Variants in PALLD observed in about 807,000 individuals in gnomAD.
The protein encoded by PALLD is palladin, cytoskeletal associated protein, also known as palladin.
PALLD carries 61 observed loss-of-function variants against 123.5 expected under a neutral mutation model. The ratio of observed to expected loss-of-function variants is 0.49; its 90% confidence interval spans 0.40 to 0.61. The LOEUF (loss-of-function observed/expected upper bound fraction) is 0.61, where lower values mean the gene tolerates loss of function less well. PALLD is among the 20% of genes least tolerant of loss of function. The pLI, the probability that PALLD is intolerant of heterozygous loss-of-function variation, is 0.00. For synonymous variants in PALLD, 465 were observed against 496.4 expected, an observed-to-expected ratio of 0.94 and a Z score of 0.84; for missense variants, 1,273 against 1,377.0, an observed-to-expected ratio of 0.92 and a Z score of 1.20.
chr4:168,856,748 C>T (rs1748664981), intron 10 of PALLD, among the ~76,000 whole-genome samples: 1 of 152,160 alleles, frequency 6.6e-6, no homozygotes, highest in Non-Finnish European at 1.5e-5. Flanking sequence ...AAAATTTAAA[C>T]ACAGGCAGTC....
intron 18 of PALLD, among the ~76,000 whole-genome samples, chr4:168,923,806 T>C (rs537078092): frequency 1.3e-5 from 2 of 152,304 alleles, no homozygotes; most frequent in African/African-American, 4.8e-5. Context: ...TTCAGAATAT[T>C]CATGGCAAAC....
chr4:168,868,310 C>T (rs920370345), intron 10 of PALLD, among the ~76,000 whole-genome samples: 13 of 152,150 alleles, frequency 8.5e-5, no homozygotes, highest in Admixed American at 4.6e-4. Context: ...AGGGTAGAAG[C>T]GTATCTGTAA....
At chr4:168,875,339 A>T (rs1466185429) in intron 10 of PALLD, among the ~76,000 whole-genome samples, 1 of 152,152 alleles carries the variant, frequency 6.6e-6, no homozygotes, top group South Asian at 2.1e-4. Flanking sequence ...GTGAAAATCA[A>T]CTTTTCTAAA....
At chr4:168,791,715 T>C (rs977195297) in intron 10 of PALLD, among the ~76,000 whole-genome samples, 12 of 152,182 alleles carry the variant, frequency 7.9e-5, no homozygotes, top group African/African-American at 2.9e-4. Flanking sequence ...TTAAGCTTGG[T>C]GTTGATTATC....
chr4:168,571,489 A>G (rs10007292), intron 2 of PALLD, among the ~76,000 whole-genome samples: 2,481 of 152,296 alleles, frequency 0.016, 72 homozygotes, highest in African/African-American at 0.057. Flanking sequence ...CTTATCAACC[A>G]TTCAATTAGA....
chr4:168,798,928 A>C (rs10222902), intron 10 of PALLD, among the ~76,000 whole-genome samples: 5,494 of 152,290 alleles, frequency 0.036, 333 homozygotes, highest in African/African-American at 0.13. Flanking sequence ...AGCCAAATTT[A>C]ATTTAATTTA....
intron 2 of PALLD, among the ~76,000 whole-genome samples, chr4:168,556,156 C>T (rs921309932): frequency 6.6e-6 from 1 of 151,614 alleles, no homozygotes; most frequent in Non-Finnish European, 1.5e-5. Context: ...AGTGCAGTGG[C>T]GCAATCTCGG....
intron 10 of PALLD, among the ~76,000 whole-genome samples, chr4:168,774,253 T>G (rs567739877): frequency 6.6e-6 from 1 of 152,260 alleles, no homozygotes; most frequent in African/African-American, 2.4e-5. Flanking sequence ...CCTGCCACCT[T>G]CAAAGTCAGC....
chr4:168,692,412 G>A (rs1305959351), intron 8 of PALLD, among the ~76,000 whole-genome samples: 1 of 152,298 alleles, frequency 6.6e-6, no homozygotes, highest in South Asian at 2.1e-4. Flanking sequence ...ATCAAATACT[G>A]TAGTCACTTT....
intron 10 of PALLD, among the ~76,000 whole-genome samples, chr4:168,816,952 A>G (rs1742059646): frequency 6.6e-6 from 1 of 151,788 alleles, no homozygotes. Context: ...CAAGACAAAG[A>G]GCAGTTCCAG....
rs371423449 is a variant in PALLD at position 168,669,296 on chromosome 4, T to G, written c.1087+928T>G. Among the ~76,000 whole-genome samples, 3 of 152,198 alleles carry G rather than the reference T, an allele frequency of 2.0e-5. No individual in the cohort carries two copies. The East Asian group carries it at 5.8e-4, about 29-fold the overall frequency. On this transcript the variant is annotated intron_variant, in intron 3 of 21. Transcript: ENST00000505667. Reference sequence around the variant, plus strand: ...GCTTTAAAAGTAGGGCCAGGTGAGGTAGCTCATGCCTGTAATCCCAGCACT... The same window carrying G: ...GCTTTAAAAGTAGGGCCAGGTGAGGGAGCTCATGCCTGTAATCCCAGCACT...
intron 10 of PALLD, among the ~76,000 whole-genome samples, chr4:168,715,031 C>T (rs1239023208): frequency 1.3e-5 from 2 of 152,110 alleles, no homozygotes; most frequent in African/African-American, 4.8e-5. Context: ...CACCTATAGA[C>T]TCACAGCCAT....
intron 2 of PALLD, among the ~76,000 whole-genome samples, chr4:168,656,788 C>T (rs535199379): frequency 6.7e-4 from 102 of 152,210 alleles, no homozygotes; most frequent in Non-Finnish European, 1.2e-3. Context: ...TTGGAATTAA[C>T]GGTCAAGGAT....
intron 10 of PALLD, among the ~76,000 whole-genome samples, chr4:168,863,337 A>G (rs1749765478): frequency 6.6e-6 from 1 of 152,240 alleles, no homozygotes; most frequent in Admixed American, 6.5e-5. Context: ...TCCAGGCAGC[A>G]TTGAACAGCT....
In PALLD at chr4:168,740,578, C is replaced by T. The variant is rs574466375; in HGVS notation, c.1964+28655C>T. 1.8e-3 allele frequency among the ~76,000 whole-genome samples: 280 copies of T among 152,044 alleles called. 1 individual carries two copies. Among genetic ancestry groups the T allele is most frequent in the African/African-American group, 6.5e-3 (270 of 41,480 alleles). ...TTCAGAATAATTAAGCCTGAGACTACCAGAAAGAACCATTAAAAATTAGAA... is the reference window on the plus strand; with the variant it reads ...TTCAGAATAATTAAGCCTGAGACTATCAGAAAGAACCATTAAAAATTAGAA... On this transcript the variant is annotated intron_variant, in intron 10 of 21. Coordinates refer to ENST00000505667, the MANE Select transcript of PALLD (RefSeq NM_001166108.2).
chr4:168,719,502 T>C (rs1024637373), intron 10 of PALLD, among the ~76,000 whole-genome samples: 1 of 152,070 alleles, frequency 6.6e-6, no homozygotes, highest in East Asian at 1.9e-4. Flanking sequence ...TCAGGTGATC[T>C]GCCCGCCTTG....
rs70961555 is a variant in PALLD at position 168,761,645 on chromosome 4, G to GTTT, written c.1964+49751_1964+49753dup. ...CCAGCTATTTTTGTTGTTGTTGTTT[G>GTTT]TTTTTTTTTTTTTTTTTTTTTTTTT... On this transcript the variant is annotated intron_variant, in intron 10 of 21. Coordinates refer to ENST00000505667, the MANE Select transcript of PALLD (RefSeq NM_001166108.2). 9.2e-4 allele frequency among the ~76,000 whole-genome samples: 81 copies of GTTT among 87,864 alleles called. 2 individuals are homozygous for GTTT. The highest frequency in any genetic ancestry group is 1.8e-3 in the African/African-American group (43 of 24,094). 57.6% of individuals were successfully genotyped at this position (87,864 alleles called of 152,430 possible).
At chr4:168,713,746 A>C (rs1174632042) in intron 10 of PALLD, among the ~76,000 whole-genome samples, 2 of 150,708 alleles carry the variant, frequency 1.3e-5, no homozygotes, top group African/African-American at 4.9e-5. Flanking sequence ...ATAAAATATG[A>C]ATATATATAA....
At chr4:168,622,427 G>A (rs1471074980) in intron 2 of PALLD, among the ~76,000 whole-genome samples, 1 of 152,200 alleles carries the variant, frequency 6.6e-6, no homozygotes, top group South Asian at 2.1e-4. Flanking sequence ...GCATGATTCA[G>A]ATGTTGAGTT....
Sources: allele counts gnomAD v4.1 joint callset (sites outside exome capture counted in the v4.1 genomes callset), GRCh38; gene constraint gnomAD v4.1.1; transcripts MANE v1.5; gene names NCBI Gene and HGNC (gene_info 2026-07-23, HGNC 2026-07-21).